The following MCF2L2 variants were observed in gnomAD, a reference collection of about 807,000 sequenced individuals.
The protein encoded by MCF2L2 is MCF.2 cell line derived transforming sequence-like 2, also known as probable guanine nucleotide exchange factor MCF2L2.
MCF2L2 carries 102 observed loss-of-function variants against 150.2 expected under a neutral mutation model. The ratio of observed to expected loss-of-function variants is 0.68; its 90% CI spans 0.58 to 0.80. The LOEUF is 0.80. MCF2L2 is among the 30% of genes least tolerant of loss of function. MCF2L2 has a pLI of 0.00. For missense variants in MCF2L2, 1,256 were observed against 1,372.8 expected (o/e 0.91, Z 1.34); for synonymous variants, 465 against 491.3 (o/e 0.95, Z 0.71).
intron 2 of MCF2L2, among the ~76,000 whole-genome samples, chr3:183,383,588 CCCA>C (rs1713661596): frequency 1.3e-5 from 2 of 152,028 alleles, no homozygotes; most frequent in Middle Eastern, 3.4e-3. Context: ...ATCTGATCAC[CCCA>C]CCACATCCCA....
chr3:183,187,765 C>T (rs1285668726), intron 27 of MCF2L2, among the ~76,000 whole-genome samples: 1 of 152,224 alleles, frequency 6.6e-6, no homozygotes, highest in Admixed American at 6.5e-5. Context: ...CCGCGCCCAG[C>T]CCTTTATTTT....
In MCF2L2 at chr3:183,205,874, A is replaced by G; in HGVS notation, c.2884+2T>C. On this transcript the variant is annotated splice_donor_variant, in intron 25 of 29. Transcript: ENST00000328913. LOFTEE classifies it high-confidence loss of function. ...AGACGAAAGTCAGCAGGGGTAACCT[A>G]CCTTTGATATTATTTTGTTGTTCCA... The G allele has an allele frequency of 6.2e-7, 1 of 1,611,762 alleles. No individual in the cohort carries two copies. Among genetic ancestry groups the G allele is most frequent in the Non-Finnish European group, 8.5e-7 (1 of 1,177,940 alleles).
At chr3:183,229,021 G>A (rs1171419519) in intron 17 of MCF2L2, among the ~76,000 whole-genome samples, 3 of 152,174 alleles carry the variant, frequency 2.0e-5, no homozygotes, top group African/African-American at 7.2e-5. Flanking sequence ...AACGGACGAG[G>A]AATGGGGTTA....
intron 26 of MCF2L2, among the ~76,000 whole-genome samples, chr3:183,194,930 C>T (rs1722030304): frequency 6.6e-6 from 1 of 151,946 alleles, no homozygotes; most frequent in Non-Finnish European, 1.5e-5. Flanking sequence ...TACAAGCACG[C>T]CACCACCTAG....
intron 15 of MCF2L2, among the ~76,000 whole-genome samples, chr3:183,276,339 G>A (rs1727153264): frequency 6.6e-6 from 1 of 152,184 alleles, no homozygotes; most frequent in African/African-American, 2.4e-5. Flanking sequence ...GTCAACCAGC[G>A]TGGGTATAAA....
intron 1 of MCF2L2, among the ~76,000 whole-genome samples, chr3:183,421,156 CTT>C (rs1045143789): frequency 6.6e-6 from 1 of 151,846 alleles, no homozygotes; most frequent in Non-Finnish European, 1.5e-5. Flanking sequence ...GTGTGGATCT[CTT>C]TACCTTTTTC....
chr3:183,392,731 G>C (rs1028169641), intron 1 of MCF2L2, among the ~76,000 whole-genome samples: 21 of 152,182 alleles, frequency 1.4e-4, no homozygotes, highest in Admixed American at 1.1e-3. Context: ...GCCTTCAGTT[G>C]CCTGACACTT....
At chr3:183,264,601 GTTGT>G (rs1392024199) in intron 15 of MCF2L2, among the ~76,000 whole-genome samples, 1 of 152,204 alleles carries the variant, frequency 6.6e-6, no homozygotes, top group East Asian at 1.9e-4. Context: ...GGAGACTGAG[GTTGT>G]TTAACTTGTA....
intron 3 of MCF2L2, among the ~76,000 whole-genome samples, chr3:183,351,209 T>TAC (rs1731110086): frequency 3.8e-5 from 3 of 78,764 alleles, no homozygotes; most frequent in African/African-American, 1.9e-4. Flanking sequence ...TATATATATA[T>TAC]ATATATATAT....
chr3:183,219,351 C>T (rs1038286269), intron 21 of MCF2L2, among the ~76,000 whole-genome samples: 13 of 152,152 alleles, frequency 8.5e-5, no homozygotes, highest in Non-Finnish European at 1.6e-4. Flanking sequence ...TGGCTCACGC[C>T]TGTAATACCA....
chr3:183,294,599 A>ATG (rs766214507), intron 13 of MCF2L2, among the ~76,000 whole-genome samples: 1,621 of 132,264 alleles, frequency 0.012, 26 homozygotes, highest in East Asian at 0.045. Context: ...ATATATGTGT[A>ATG]TGTGTGTGTG....
intron 5 of MCF2L2, 90 bp downstream of exon 5, chr3:183,338,710 T>C: frequency 1.5e-6 from 2 of 1,361,054 alleles, no homozygotes; most frequent in South Asian, 1.6e-5. Context: ...TCTCTACCTG[T>C]TGAATCTTAT....
In MCF2L2 at chr3:183,311,041, G is replaced by C; in HGVS notation, c.879-12C>G. On this transcript the variant is annotated splice_polypyrimidine_tract_variant and intron_variant, in intron 8 of 29. Transcript: ENST00000328913. ...GTTGAACTAATAACCTTTCAAGAAAGAATGAGAAAGTGATGTTAGGTTAGC... is the reference window on the plus strand; with the variant it reads ...GTTGAACTAATAACCTTTCAAGAAACAATGAGAAAGTGATGTTAGGTTAGC... 3 of 1,515,776 alleles carry C rather than the reference G, an allele frequency of 2.0e-6. No individual in the cohort carries two copies. The highest frequency in any genetic ancestry group is 2.8e-6 in the Non-Finnish European group (3 of 1,090,862). 93.9% of individuals were successfully genotyped at this position (1,515,776 alleles called of 1,614,324 possible).
chr3:183,254,620 G>A (rs376269554), intron 15 of MCF2L2: 2 of 152,206 alleles, frequency 1.3e-5, no homozygotes, highest in East Asian at 3.9e-4. Flanking sequence ...CGGGAGCCGC[G>A]AGGCGAACGC....
At chr3:183,257,462 G>A (rs1214894825) in intron 15 of MCF2L2, among the ~76,000 whole-genome samples, 4 of 152,206 alleles carry the variant, frequency 2.6e-5, no homozygotes, top group Non-Finnish European at 5.9e-5. Flanking sequence ...GTTAATGTTT[G>A]TTGAATTAGT....
chr3:183,289,080 T>C (rs1368363311), intron 14 of MCF2L2, 40 bp downstream of exon 14: 8 of 1,353,286 alleles, frequency 5.9e-6, no homozygotes, highest in African/African-American at 1.4e-5. Flanking sequence ...ATCTTCCCTC[T>C]TGTCAGGAAG....
Position 183,193,113 on chromosome 3 carries a change from A to G in MCF2L2, c.2919-17T>C, listed in dbSNP as rs780962991. ...CTGCCTTTGCTTTAGAGAAATAAACATGAATATTGAGTCACTGGAAGGAAT... is the reference window on the plus strand; with the variant it reads ...CTGCCTTTGCTTTAGAGAAATAAACGTGAATATTGAGTCACTGGAAGGAAT... On this transcript the variant is annotated splice_polypyrimidine_tract_variant and intron_variant, in intron 26 of 29. Coordinates refer to ENST00000328913, the MANE Select transcript of MCF2L2 (RefSeq NM_015078.4). 2.5e-6 allele frequency: 4 copies of G among 1,601,400 alleles called. No individual in the cohort carries two copies. The highest frequency in any genetic ancestry group is 2.6e-6 in the Non-Finnish European group (3 of 1,168,570).
rs1035424103 is a variant in MCF2L2, at chr3:183,179,376, G to A, written c.*4C>T. On this transcript the variant is annotated 3_prime_UTR_variant, in exon 30 of 30. Transcript: ENST00000328913. The surrounding 1 kb of genome is among the most constrained non-coding windows in gnomAD (Gnocchi z 4.2). ...GCCGAGGAGCGGGGGCGTCCGCAGG[G>A]AGGTCAGCTCTCCTGGGCGGAGGTC... 3 of 1,475,588 alleles carry A rather than the reference G, an allele frequency of 2.0e-6. No homozygotes were observed. The highest frequency in any genetic ancestry group is 2.7e-6 in the Non-Finnish European group (3 of 1,113,428). The allele number at this position is 1,475,588 out of a possible 1,614,324, so 91.4% of individuals were successfully genotyped here. A position where few individuals can be genotyped will look rare whatever the true frequency, so the allele number is the denominator to read the frequency against.
chr3:183,422,646 G>T (rs1011969643), intron 1 of MCF2L2, among the ~76,000 whole-genome samples: 2 of 152,182 alleles, frequency 1.3e-5, no homozygotes, highest in Non-Finnish European at 1.5e-5. Context: ...CCTGGCAAGG[G>T]ACTATATCCC....
Sources: gnomAD v4.1 joint callset for allele counts (sites outside exome capture counted in the v4.1 genomes callset) on GRCh38, gnomAD v4.1.1 for gene constraint, Gnocchi (gnomAD v3.1) non-coding constraint, MANE v1.5 for transcripts, NCBI Gene and HGNC (gene_info 2026-07-23, HGNC 2026-07-21) for gene names.